SMARCA2: variants seen among roughly 807,000 people sequenced by gnomAD.
SMARCA2 encodes SWI/SNF related BAF chromatin remodeling complex subunit ATPase 2, also known as SWI/SNF-related matrix-associated actin-dependent regulator of chromatin subfamily A member 2.
Under a neutral mutation model 199.8 loss-of-function variants are expected in SMARCA2, and 61 were observed. The ratio of observed to expected loss-of-function variants is 0.31; its 90% CI spans 0.25 to 0.38. SMARCA2 has a LOEUF of 0.38. Among genes scored for constraint, SMARCA2 ranks in the 10% least tolerant of loss-of-function variants. SMARCA2 has a pLI of 1.00. For synonymous variants in SMARCA2, 935 were observed against 732.0 expected, an observed-to-expected ratio of 1.28 and a Z score of -4.48; for missense variants, 1,344 against 2,012.2, an observed-to-expected ratio of 0.67 and a Z score of 6.35.
chr9:2,084,448 A>G (rs1026299291), intron 17 of SMARCA2, among the ~76,000 whole-genome samples: 3 of 146,732 alleles, frequency 2.0e-5, no homozygotes, highest in Admixed American at 6.9e-5. Context: ...GCTCTTGTCT[A>G]TCCCCTCAGA....
chr9:2,142,522 T>A (rs1219333751), intron 27 of SMARCA2, among the ~76,000 whole-genome samples: 2 of 152,182 alleles, frequency 1.3e-5, no homozygotes, highest in Non-Finnish European at 2.9e-5. Flanking sequence ...TCAGCAAGGG[T>A]GATTCCATTT....
rs368426357 is a variant in SMARCA2 at position 2,147,864 on chromosome 9, G to T, written c.3982-13822G>T. Among the ~76,000 whole-genome samples, 4 of 151,198 alleles carry T rather than the reference G, an allele frequency of 2.6e-5. No individual in the cohort carries two copies. In the East Asian group the frequency reaches 5.8e-4, roughly 22 times the overall value. On this transcript the variant is annotated intron_variant, in intron 27 of 33. Transcript: ENST00000349721. ...CTCCGTCTCAAAAAAAAAAAGTAGG[G>T]CCTCACCCAGGCTGTAGTGCAGTGG...
chr9:2,053,135 C>T (rs543625868), intron 5 of SMARCA2, among the ~76,000 whole-genome samples: 2 of 152,170 alleles, frequency 1.3e-5, no homozygotes, highest in Non-Finnish European at 2.9e-5. Context: ...CTCCCTCCCC[C>T]GTCTAGTAGT....
intron 33 of SMARCA2, 88 bp from the exon 34 acceptor site, chr9:2,192,616 C>T: frequency 1.1e-6 from 1 of 906,262 alleles, no homozygotes. Flanking sequence ...GTCATTTTTT[C>T]CTACTGGCCT....
At position 2,019,287 on chromosome 9, in the gene SMARCA2, A is replaced by G. The variant is rs551339289; in HGVS notation, c.-37+3883A>G. On this transcript the variant is annotated intron_variant, in intron 1 of 33. Coordinates refer to ENST00000349721, the MANE Select transcript of SMARCA2 (RefSeq NM_003070.5). Reference sequence around the variant, plus strand: ...GGTGAGGGGAGGGAGGGCTTCCTTCAATGCAGCCTTTCTCTTATGACTTAT... The same window carrying G: ...GGTGAGGGGAGGGAGGGCTTCCTTCGATGCAGCCTTTCTCTTATGACTTAT... Among the ~76,000 whole-genome samples, 14 of 152,300 alleles carry G rather than the reference A, an allele frequency of 9.2e-5. 1 individual carries two copies. In the South Asian group the frequency reaches 2.9e-3, roughly 32 times the overall value.
intron 9 of SMARCA2, 36 bp from the exon 10 acceptor site, chr9:2,070,382 T>C (rs1485108568): frequency 6.3e-7 from 1 of 1,591,244 alleles, no homozygotes; most frequent in African/African-American, 1.3e-5. Context: ...CCCATCATCT[T>C]GGTTACTTAT....
At chr9:2,151,002 G>A (rs1161244540) in intron 27 of SMARCA2, among the ~76,000 whole-genome samples, 1 of 151,510 alleles carries the variant, frequency 6.6e-6, no homozygotes, top group African/African-American at 2.4e-5. Context: ...TGGGGATTAG[G>A]ACCTCAACGT....
At chr9:2,096,868 A>G (rs139802845) in intron 20 of SMARCA2, 104 bp downstream of exon 20, 94 of 758,822 alleles carry the variant, frequency 1.2e-4, no homozygotes, top group South Asian at 2.1e-4. Context: ...CTGATTTGTT[A>G]AAGTAAATCA....
chr9:2,165,014 A>G (rs947824723), intron 28 of SMARCA2, among the ~76,000 whole-genome samples: 10 of 152,338 alleles, frequency 6.6e-5, no homozygotes, highest in African/African-American at 2.4e-4. Context: ...GAGAGCCTTA[A>G]TTAGATACAG....
chr9:2,085,262 T>A (rs1821751066), intron 17 of SMARCA2, among the ~76,000 whole-genome samples: 1 of 152,218 alleles, frequency 6.6e-6, no homozygotes, highest in African/African-American at 2.4e-5. Flanking sequence ...TGGGAATGTG[T>A]TTGTACATTT....
rs532331367 is a variant in SMARCA2, at chr9:2,185,168, A to T, written c.4462-928A>T. On this transcript the variant is annotated intron_variant, in intron 31 of 33. Coordinates refer to ENST00000349721, the MANE Select transcript of SMARCA2 (RefSeq NM_003070.5). ...GCGACTCTGAAACTGCGTGCCTACGAACAACTAACTCTCATCTCCTTCCCC... is the reference window on the plus strand; with the variant it reads ...GCGACTCTGAAACTGCGTGCCTACGTACAACTAACTCTCATCTCCTTCCCC... Among the ~76,000 whole-genome samples, 4 of 152,258 alleles carry T rather than the reference A, an allele frequency of 2.6e-5. No individual in the cohort carries two copies. In the East Asian group the frequency reaches 7.7e-4, roughly 29 times the overall value.
chr9:2,101,559 C>G lies in SMARCA2; in HGVS notation c.3079-11C>G, dbSNP rs1475613138. ...TTTTAAAATCATTCTTTCTATCTCT[C>G]TCTTTTAAAGGAATCCTTTGCTGAA... On this transcript the variant is annotated splice_polypyrimidine_tract_variant and intron_variant, in intron 21 of 33. Transcript: ENST00000349721. 4.2e-6 allele frequency: 6 copies of G among 1,435,254 alleles called. No homozygotes were observed. The highest frequency in any genetic ancestry group is 1.4e-5 in the African/African-American group (1 of 69,416). 88.9% of individuals were successfully genotyped at this position (1,435,254 alleles called of 1,614,324 possible).
At chr9:2,033,245 C>T in intron 3 of SMARCA2, 164 bp downstream of exon 3, 5 of 648,846 alleles carry the variant, frequency 7.7e-6, no homozygotes, top group Non-Finnish European at 1.2e-5. Flanking sequence ...CCAATACAAC[C>T]TGATGATTTA....
chr9:2,072,220 A>C (rs1821118009), intron 10 of SMARCA2, among the ~76,000 whole-genome samples: 1 of 152,222 alleles, frequency 6.6e-6, no homozygotes, highest in Non-Finnish European at 1.5e-5. Flanking sequence ...TTGTCTAAAA[A>C]TTCAATTTTA....
intron 10 of SMARCA2, among the ~76,000 whole-genome samples, chr9:2,071,503 A>AT (rs1821086456): frequency 6.6e-6 from 1 of 152,246 alleles, no homozygotes; most frequent in African/African-American, 2.4e-5. Context: ...GGAGAGATTT[A>AT]ACATGTTAGC....
At chr9:2,165,446 C>G (rs1825888571) in intron 28 of SMARCA2, among the ~76,000 whole-genome samples, 1 of 152,060 alleles carries the variant, frequency 6.6e-6, no homozygotes. Context: ...CCTTAAGAGC[C>G]AGATATTGTG....
chr9:2,098,512 A>G (rs918383106), intron 21 of SMARCA2, among the ~76,000 whole-genome samples: 36 of 152,354 alleles, frequency 2.4e-4, no homozygotes, highest in African/African-American at 8.2e-4. Flanking sequence ...CAAGGAGTCC[A>G]TAGGAGAAAG....
chr9:2,152,130 C>T (rs1352560018), intron 27 of SMARCA2, among the ~76,000 whole-genome samples: 1 of 152,174 alleles, frequency 6.6e-6, no homozygotes, highest in African/African-American at 2.4e-5. Flanking sequence ...GATGACACCA[C>T]TAGTGTAAAT....
In SMARCA2 at chr9:2,056,923, C is replaced by A; in HGVS notation, c.1347+78C>A. 1.1e-5 allele frequency: 15 copies of A among 1,344,524 alleles called. No homozygotes were observed. In the South Asian group the frequency reaches 1.4e-4, roughly 12 times the overall value. The allele number at this position is 1,344,524 out of a possible 1,614,324, so 83.3% of individuals were successfully genotyped here. On this transcript the variant is annotated intron_variant, in intron 7 of 33. Transcript: ENST00000349721. This position sits in a 1 kb window ranked among gnomAD's most constrained non-coding sequence, Gnocchi z 4.0. ...AATTCATCAAATGGGGTCAGAATGA[C>A]TGAAAAATGGACCCTTGTGGGTGGT...
Sources: gnomAD v4.1 joint callset for allele counts (sites outside exome capture counted in the v4.1 genomes callset) on GRCh38, gnomAD v4.1.1 for gene constraint, Gnocchi (gnomAD v3.1) non-coding constraint, MANE v1.5 for transcripts, NCBI Gene and HGNC (gene_info 2026-07-23, HGNC 2026-07-21) for gene names.